OSBPL6: variants seen among roughly 807,000 people sequenced by gnomAD.
The protein encoded by OSBPL6 is oxysterol binding protein like 6, also known as oxysterol-binding protein-related protein 6.
OSBPL6 carries 49 observed loss-of-function variants against 125.8 expected under a neutral mutation model. That is an observed-to-expected ratio of 0.39 (90% CI 0.31 to 0.49). OSBPL6 has a LOEUF of 0.49. OSBPL6 is among the 20% of genes least tolerant of loss of function. OSBPL6 has a pLI of 0.88. For synonymous variants in OSBPL6, 394 were observed against 391.8 expected (o/e 1.01, Z -0.07); for missense variants, 986 against 1,135.4 (o/e 0.87, Z 1.89).
At chr2:178,263,834 T>TGC (rs752405140) in intron 1 of OSBPL6, among the ~76,000 whole-genome samples, 12 of 142,190 alleles carry the variant, frequency 8.4e-5, no homozygotes, top group South Asian at 6.9e-4. Flanking sequence ...TGTGTGTGTG[T>TGC]GTGCGTGTAC....
At chr2:178,321,856 A>T (rs1415907990) in intron 3 of OSBPL6, among the ~76,000 whole-genome samples, 1 of 152,232 alleles carries the variant, frequency 6.6e-6, no homozygotes, top group African/African-American at 2.4e-5. Flanking sequence ...ATATTGTGCT[A>T]TATTTGAAGT....
intron 13 of OSBPL6, among the ~76,000 whole-genome samples, chr2:178,363,124 A>G (rs1692505600): frequency 6.6e-6 from 1 of 152,214 alleles, no homozygotes. Flanking sequence ...TGATTCCTTC[A>G]GATGTATTTA....
intron 1 of OSBPL6, among the ~76,000 whole-genome samples, chr2:178,215,614 A>G (rs563833646): frequency 4.5e-4 from 68 of 152,100 alleles, no homozygotes; most frequent in Non-Finnish European, 7.2e-4. Flanking sequence ...GCAGAGAGAG[A>G]AGAAGCCCTC....
chr2:178,216,733 A>C (rs190044195), intron 1 of OSBPL6, among the ~76,000 whole-genome samples: 18 of 152,284 alleles, frequency 1.2e-4, no homozygotes, highest in Non-Finnish European at 2.2e-4. Context: ...CGAGGAGGAA[A>C]ATGTTGACTT....
intron 23 of OSBPL6, among the ~76,000 whole-genome samples, chr2:178,392,837 G>A (rs1695529619): frequency 1.3e-5 from 2 of 150,422 alleles, no homozygotes; most frequent in Non-Finnish European, 3.0e-5. Flanking sequence ...CTCCAGCCAG[G>A]GCAACAGAGA....
At chr2:178,375,021 G>A (rs978407157) in intron 15 of OSBPL6, among the ~76,000 whole-genome samples, 2 of 152,220 alleles carry the variant, frequency 1.3e-5, no homozygotes, top group African/African-American at 2.4e-5. Flanking sequence ...CAGGTTCACA[G>A]CGACTTCCAT....
intron 1 of OSBPL6, 33 bp downstream of exon 1, chr2:178,194,707 GGCGGGC>G (rs1210130520): frequency 6.6e-6 from 1 of 152,196 alleles, no homozygotes; most frequent in African/African-American, 2.4e-5. Flanking sequence ...GATTGCTTGG[GGCGGGC>G]GCCAAGGTGC....
At chr2:178,212,551 G>A (rs1275046724) in intron 1 of OSBPL6, among the ~76,000 whole-genome samples, 3 of 152,164 alleles carry the variant, frequency 2.0e-5, no homozygotes, top group Non-Finnish European at 4.4e-5. Flanking sequence ...AAGAAGAAGT[G>A]ACTTCAGAAA....
At chr2:178,390,825 G>C (rs935016778) in intron 21 of OSBPL6, among the ~76,000 whole-genome samples, 4 of 152,176 alleles carry the variant, frequency 2.6e-5, no homozygotes, top group Admixed American at 2.6e-4. Flanking sequence ...TAGGTTCTTG[G>C]GATAGAAGCT....
chr2:178,306,075 C>G lies in OSBPL6; in HGVS notation c.-110C>G. The G allele has an allele frequency of 1.4e-6, 1 of 722,948 alleles. No individual in the cohort carries two copies. Among genetic ancestry groups the G allele is most frequent in the South Asian group, 1.8e-5 (1 of 56,494 alleles). The allele number at this position is 722,948 out of a possible 1,614,324, so 44.8% of individuals were successfully genotyped here. A position where few individuals can be genotyped will look rare whatever the true frequency, so the allele number is the denominator to read the frequency against. ...ATTGCCTGCTCTTTTCTAGTCAAAC[C>G]TGATTCATGAAATGGAATGAAGCTG... On this transcript the variant is annotated 5_prime_UTR_variant, in exon 3 of 25. Coordinates refer to ENST00000190611, the MANE Select transcript of OSBPL6 (RefSeq NM_032523.4).
At chr2:178,323,967 A>G (rs1482772960) in intron 3 of OSBPL6, among the ~76,000 whole-genome samples, 1 of 152,212 alleles carries the variant, frequency 6.6e-6, no homozygotes, top group Non-Finnish European at 1.5e-5. Context: ...GCACTGCAGC[A>G]GCAGTTCAGC....
At chr2:178,203,075 T>C (rs1195707354) in intron 1 of OSBPL6, among the ~76,000 whole-genome samples, 1 of 152,226 alleles carries the variant, frequency 6.6e-6, no homozygotes, top group Non-Finnish European at 1.5e-5. Flanking sequence ...TATATTAGGC[T>C]GCTTAAAGTT....
chr2:178,327,996 C>G (rs547375212), intron 4 of OSBPL6, among the ~76,000 whole-genome samples: 6 of 152,316 alleles, frequency 3.9e-5, no homozygotes, highest in African/African-American at 1.4e-4. Flanking sequence ...GAATTTCCAT[C>G]CTACCCCAAA....
At chr2:178,229,720 C>T (rs1161244044) in intron 1 of OSBPL6, among the ~76,000 whole-genome samples, 3 of 152,148 alleles carry the variant, frequency 2.0e-5, no homozygotes, top group African/African-American at 4.8e-5. Flanking sequence ...CTCTCAGCTA[C>T]GTGGGAAGCT....
In OSBPL6 at chr2:178,394,403, A is replaced by G. The variant is rs1575061654; in HGVS notation, c.2664A>G (p.Glu888=). 1.2e-6 allele frequency: 2 copies of G among 1,613,200 alleles called. No individual in the cohort carries two copies. The highest frequency in any genetic ancestry group is 3.3e-5 in the Admixed American group (2 of 59,792). ...GATCTCGGAGACGATATATGGAAGA[A>G]AACAATCTTGAACATATACCAAAAT... ...LQRSRRRYME[E]NNLEHIPKFF... The change falls in exon 24 of 25, where the codon GAA becomes GAG. Residue 888 remains glutamate (E), a synonymous_variant. Coordinates refer to ENST00000190611, the MANE Select transcript of OSBPL6 (RefSeq NM_032523.4).
intron 1 of OSBPL6, among the ~76,000 whole-genome samples, chr2:178,273,060 A>G (rs1422172047): frequency 1.3e-5 from 2 of 152,220 alleles, no homozygotes; most frequent in African/African-American, 4.8e-5. Context: ...GATGGGATTT[A>G]GACTTTGGAG....
At chr2:178,394,079 G>A (rs934224352) in intron 23 of OSBPL6, among the ~76,000 whole-genome samples, 1 of 152,164 alleles carries the variant, frequency 6.6e-6, no homozygotes, top group African/African-American at 2.4e-5. Flanking sequence ...TGATATTGCT[G>A]ATTATAATAA....
intron 1 of OSBPL6, among the ~76,000 whole-genome samples, chr2:178,234,866 T>G (rs970165107): frequency 6.6e-6 from 1 of 152,188 alleles, no homozygotes; most frequent in African/African-American, 2.4e-5. Flanking sequence ...AGTCTGGTAG[T>G]CATTTAAGAA....
chr2:178,307,719 C>G (rs2154060330), intron 3 of OSBPL6, among the ~76,000 whole-genome samples: 1 of 152,156 alleles, frequency 6.6e-6, no homozygotes, highest in South Asian at 2.1e-4. Context: ...TTTTCCCTTC[C>G]CTGGGCATTT....
Sources: gnomAD v4.1 joint callset for allele counts (sites outside exome capture counted in the v4.1 genomes callset) on GRCh38, gnomAD v4.1.1 for gene constraint, MANE v1.5 for transcripts, NCBI Gene and HGNC (gene_info 2026-07-23, HGNC 2026-07-21) for gene names.